Variants in GSN observed in about 807,000 individuals in gnomAD.
The protein encoded by GSN is actin-depolymerizing factor.
GSN carries 56 observed loss-of-function variants against 85.7 expected under a neutral mutation model. That is an observed-to-expected ratio of 0.65 (90% confidence interval 0.53 to 0.82). The LOEUF (loss-of-function observed/expected upper bound fraction) is 0.82. Ranked by LOEUF, GSN falls within the 40% of genes least tolerant of loss-of-function variation. GSN has a pLI of 0.00. For synonymous variants in GSN, 373 were observed against 399.1 expected (o/e 0.93, Z 0.78); for missense variants, 857 against 979.8 (o/e 0.87, Z 1.67).
At chr9:121,242,949 C>T (rs2054633388) in intron 5 of GSN, among the ~76,000 whole-genome samples, 1 of 152,194 alleles carries the variant, frequency 6.6e-6, no homozygotes, top group Admixed American at 6.5e-5. Flanking sequence ...GTACCTACAT[C>T]TCTGGCAGGA....
intron 2 of GSN, 155 bp downstream of exon 2, chr9:121,281,717 G>A (rs912402088): frequency 8.5e-6 from 4 of 471,100 alleles, no homozygotes; most frequent in African/African-American, 6.0e-5. Context: ...CTCAGAGTGC[G>A]TCTCTGCTCC....
rs2133126662 is a variant in GSN, at chr9:121,299,620, C to T, written c.-9-2343C>T. ...GCCCATTTAGTGTGCACACAGCTAG[C>T]GCCCGCCGTATGTCAGGCCTGGTGC... On this transcript the variant is annotated intron_variant, in intron 2 of 17. Transcript: ENST00000432226. The surrounding 1 kb of genome is among the most constrained non-coding windows in gnomAD (Gnocchi z 4.2). 2.0e-6 allele frequency: 1 copy of T among 498,968 alleles called. No individual in the cohort carries two copies. The highest frequency in any genetic ancestry group is 2.6e-6 in the Non-Finnish European group (1 of 385,334). The allele number at this position is 498,968 out of a possible 1,614,324, so 30.9% of individuals were successfully genotyped here. A position where few individuals can be genotyped will look rare whatever the true frequency, so the allele number is the denominator to read the frequency against.
At chr9:121,257,563 G>A (rs1478409415) in intron 6 of GSN, among the ~76,000 whole-genome samples, 4 of 152,182 alleles carry the variant, frequency 2.6e-5, no homozygotes, top group African/African-American at 9.6e-5. Context: ...GAGATGAAGT[G>A]ATTACAGGTG....
At chr9:121,243,247 G>A (rs1396476436) in intron 5 of GSN, among the ~76,000 whole-genome samples, 3 of 152,080 alleles carry the variant, frequency 2.0e-5, no homozygotes, top group Non-Finnish European at 2.9e-5. Flanking sequence ...TAGCATCTTC[G>A]GATCTCTGTT....
intron 4 of GSN, chr9:121,308,906 A>G (rs1362912440): frequency 1.3e-5 from 2 of 152,244 alleles, no homozygotes; most frequent in Admixed American, 1.3e-4. Flanking sequence ...GCAGGAGCCC[A>G]ATATACACGG....
intron 11 of GSN, among the ~76,000 whole-genome samples, chr9:121,323,253 TCTTACATAACC>T (rs1295605692): frequency 6.6e-6 from 1 of 152,118 alleles, no homozygotes. Flanking sequence ...TATGTTCACA[TCTTACATAACC>T]CTTACATAAC....
intron 5 of GSN, among the ~76,000 whole-genome samples, chr9:121,232,004 T>A (rs1468873233): frequency 6.6e-6 from 1 of 151,864 alleles, no homozygotes; most frequent in Non-Finnish European, 1.5e-5. Context: ...GAGGCGGAGG[T>A]TGAAGTGAAC....
chr9:121,243,078 C>T (rs1487922495), intron 5 of GSN, among the ~76,000 whole-genome samples: 2 of 152,184 alleles, frequency 1.3e-5, no homozygotes, highest in Admixed American at 6.5e-5. Flanking sequence ...TTCTGGAGTT[C>T]AGCAGTCTCC....
chr9:121,295,864 T>G (rs1007577757), intron 2 of GSN, among the ~76,000 whole-genome samples: 4 of 152,190 alleles, frequency 2.6e-5, no homozygotes, highest in African/African-American at 7.2e-5. Context: ...GACATGCTCA[T>G]GTACTGAGTT....
Position 121,318,302 on chromosome 9 carries a change from T to C in GSN, c.887-104T>C, listed in dbSNP as rs189674568. 13 of 920,518 alleles carry C rather than the reference T, an allele frequency of 1.4e-5. No individual in the cohort carries two copies. Among genetic ancestry groups the C allele is most frequent in the Admixed American group, 1.4e-4 (8 of 58,568 alleles). 57.0% of individuals were successfully genotyped at this position (920,518 alleles called of 1,614,324 possible). A position where few individuals can be genotyped will look rare whatever the true frequency, so the allele number is the denominator to read the frequency against. On this transcript the variant is annotated intron_variant, in intron 8 of 17. Coordinates refer to ENST00000432226, the MANE Select transcript of GSN (RefSeq NM_198252.3). This position sits in a 1 kb window ranked among gnomAD's most constrained non-coding sequence, Gnocchi z 4.3. Reference sequence around the variant, plus strand: ...TTGGCTGTCCACAGTCTAAGAAGAGTAGGGAGGGAAGTTTGGCAGCTCCTT... The same window carrying C: ...TTGGCTGTCCACAGTCTAAGAAGAGCAGGGAGGGAAGTTTGGCAGCTCCTT...
chr9:121,312,201 C>T, intron 5 of GSN, 138 bp from the exon 6 acceptor site: 1 of 838,976 alleles, frequency 1.2e-6, no homozygotes, highest in South Asian at 1.4e-5. Flanking sequence ...TGCACGTGTG[C>T]AGACTGTGCC....
At chr9:121,300,022 C>A in intron 2 of GSN, 1 of 1,510,952 alleles carries the variant, frequency 6.6e-7, no homozygotes, top group South Asian at 1.3e-5. Context: ...GCCCGGGGGG[C>A]CCCGGGGCTC....
chr9:121,259,197 G>A (rs2132270812), intron 6 of GSN, among the ~76,000 whole-genome samples: 1 of 152,316 alleles, frequency 6.6e-6, no homozygotes, highest in South Asian at 2.1e-4. Flanking sequence ...AGTCTAGTGT[G>A]GGAGATGGTA....
intron 2 of GSN, chr9:121,284,311 C>T (rs527540773): frequency 2.4e-3 from 399 of 167,112 alleles, no homozygotes; most frequent in Non-Finnish European, 4.1e-3. Context: ...TGCCTTGGTA[C>T]GGGGCTTGTC....
intron 4 of GSN, among the ~76,000 whole-genome samples, chr9:121,223,724 ATC>A: frequency 6.6e-6 from 1 of 152,242 alleles, no homozygotes; most frequent in South Asian, 2.1e-4. Flanking sequence ...CGGTGGCACA[ATC>A]TCAGCTCGCT....
rs1338724130 is a variant in GSN, at chr9:121,299,833, C to T, written c.-9-2130C>T. 7.5e-7 allele frequency: 1 copy of T among 1,331,290 alleles called. No individual in the cohort carries two copies. The allele number at this position is 1,331,290 out of a possible 1,614,324, so 82.5% of individuals were successfully genotyped here. On this transcript the variant is annotated intron_variant, in intron 2 of 17. Coordinates refer to ENST00000432226, the MANE Select transcript of GSN (RefSeq NM_198252.3). This position sits in a 1 kb window ranked among gnomAD's most constrained non-coding sequence, Gnocchi z 4.2. ...GTCGGCGACCCGAGGCCGCGGCTGC[C>T]GACTGGGTCCCCTGCCGCTGTCGCC...
At chr9:121,267,814 G>A (rs2055292179), upstream of GSN, among the ~76,000 whole-genome samples, 1 of 151,956 alleles carries the variant, frequency 6.6e-6, no homozygotes, top group Non-Finnish European at 1.5e-5. Flanking sequence ...TGCTAGTTGA[G>A]CATTGCTCGC....
intron 5 of GSN, among the ~76,000 whole-genome samples, chr9:121,233,884 G>A (rs2054440978): frequency 6.6e-6 from 1 of 152,140 alleles, no homozygotes; most frequent in Non-Finnish European, 1.5e-5. Flanking sequence ...TGTTTCGATT[G>A]GAATTCAGTT....
rs573515184 is a variant in GSN, at chr9:121,286,881, G to A, written c.-10+5319G>A. ...AACCTCTCTGAGCTTTTGTTCCTCC[G>A]TCTATAAAAGGAGACAATGCCAGCC... is the stretch of plus-strand genomic sequence containing the variant. On this transcript the variant is annotated intron_variant, in intron 2 of 17. Transcript: ENST00000432226. 123 of 801,476 alleles carry A rather than the reference G, an allele frequency of 1.5e-4. No homozygotes were observed. In the East Asian group the frequency reaches 2.9e-3, roughly 19 times the overall value. 49.6% of individuals were successfully genotyped at this position (801,476 alleles called of 1,614,324 possible). A position where few individuals can be genotyped will look rare whatever the true frequency, so the allele number is the denominator to read the frequency against.
Sources: gnomAD v4.1 joint callset for allele counts (sites outside exome capture counted in the v4.1 genomes callset) on GRCh38, gnomAD v4.1.1 for gene constraint, Gnocchi (gnomAD v3.1) non-coding constraint, MANE v1.5 for transcripts, NCBI Gene and HGNC (gene_info 2026-07-23, HGNC 2026-07-21) for gene names.